AMPD3: variants seen among roughly 807,000 people sequenced by gnomAD.
The protein encoded by AMPD3 is AMP deaminase 3.
A neutral mutation model predicts 82.3 loss-of-function variants in AMPD3; 57 were observed. The observed-to-expected ratio is 0.69, with a 90% CI of 0.56 to 0.86. The LOEUF is 0.86. Among genes scored for constraint, AMPD3 ranks in the 40% least tolerant of loss-of-function variants. AMPD3 has a pLI of 0.00. For synonymous variants in AMPD3, 381 were observed against 394.7 expected, an observed-to-expected ratio of 0.97 and a Z score of 0.41; for missense variants, 870 against 1,003.8, an observed-to-expected ratio of 0.87 and a Z score of 1.80.
chr11:10,500,646 C>T, intron 11 of AMPD3: 18 of 985,502 alleles, frequency 1.8e-5, no homozygotes, highest in Non-Finnish European at 2.2e-5. Flanking sequence ...CTTACTGCCA[C>T]ACCAACAATG....
chr11:10,482,146 CCACCGCTTCCCGCGGAT>C lies in AMPD3; in HGVS notation c.514_530del (p.Arg172IlefsTer36), dbSNP rs1848927636. ...GGGAGAAGTATGCGCGGCTCGCCTA[CCACCGCTTCCCGCGGAT>C]CACATCCCAGTACCTGGGTCATCCG... is the stretch of plus-strand genomic sequence containing the variant. On this transcript the variant is annotated frameshift_variant, in exon 4 of 15. Coordinates refer to ENST00000396553, the MANE Select transcript of AMPD3 (RefSeq NM_001025389.2). LOFTEE classifies it high-confidence loss of function. The C allele has an allele frequency of 3.7e-6, 6 of 1,613,986 alleles. No individual in the cohort carries two copies. Among genetic ancestry groups the C allele is most frequent in the Non-Finnish European group, 5.1e-6 (6 of 1,180,054 alleles).
chr11:10,493,425 C>A lies in AMPD3; in HGVS notation c.1016C>A (p.Thr339Lys). The change falls in exon 7 of 15, where the codon ACG (threonine) becomes AAG (lysine). Residue 339 changes from threonine to lysine, a missense_variant. Physicochemically the swap from Thr to Lys is moderately conservative, Grantham distance 78. Coordinates refer to ENST00000396553, the MANE Select transcript of AMPD3 (RefSeq NM_001025389.2). ...LLRFIKHTYQ[T>K]EPDRTVAEKR... ...CGCTTCATCAAGCACACATACCAGA[C>A]GGAGCCTGACAGGACTGTGGCAGAG... is the stretch of plus-strand genomic sequence containing the variant. 1 of 1,614,196 alleles carries A rather than the reference C, an allele frequency of 6.2e-7. No individual in the cohort carries two copies. The highest frequency in any genetic ancestry group is 8.5e-7 in the Non-Finnish European group (1 of 1,180,040).
chr11:10,496,975 G>A (rs747784914), intron 10 of AMPD3, 37 bp downstream of exon 10: 21 of 1,609,620 alleles, frequency 1.3e-5, no homozygotes, highest in Non-Finnish European at 1.7e-5. Context: ...GGCTCATAGC[G>A]GCAGAGGCAG....
chr11:10,482,913 C>T (rs1848956168), intron 4 of AMPD3, among the ~76,000 whole-genome samples: 1 of 152,112 alleles, frequency 6.6e-6, no homozygotes, highest in South Asian at 2.1e-4. Context: ...GAACAGAGGG[C>T]ATGTTCCCTG....
At chr11:10,498,120 T>C (rs550887550) in intron 10 of AMPD3, among the ~76,000 whole-genome samples, 15 of 152,310 alleles carry the variant, frequency 9.8e-5, no homozygotes, top group African/African-American at 3.4e-4. Context: ...CTATGTTGCC[T>C]CCCAAGTGAG....
chr11:10,471,608 A>G (rs1232281324), intron 2 of AMPD3, among the ~76,000 whole-genome samples: 1 of 151,934 alleles, frequency 6.6e-6, no homozygotes, highest in East Asian at 1.9e-4. Flanking sequence ...AATTTACAAG[A>G]AAACAACCCC....
rs2133810072 is a variant in AMPD3, at chr11:10,456,889, G to A, written c.-6+1441G>A. On this transcript the variant is annotated intron_variant, in intron 1 of 14. Coordinates refer to ENST00000396553, the MANE Select transcript of AMPD3 (RefSeq NM_001025389.2). This position sits in a 1 kb window ranked among gnomAD's most constrained non-coding sequence, Gnocchi z 4.3. The stretch of plus-strand genomic sequence containing the variant: ...GAAGGCAGCAGATGTGGGGGCAGCT[G>A]CTAAGGCCTGCAGCACCCCAAGTGG... Among the ~76,000 whole-genome samples, 1 of 152,250 alleles carries A rather than the reference G, an allele frequency of 6.6e-6. No individual in the cohort carries two copies. Among genetic ancestry groups the A allele is most frequent in the East Asian group, 1.9e-4 (1 of 5,186 alleles).
intron 7 of AMPD3, 198 bp from the exon 8 acceptor site, chr11:10,494,701 T>C (rs1849339216): frequency 2.0e-6 from 2 of 985,366 alleles, no homozygotes; most frequent in African/African-American, 3.5e-5. Context: ...CAGGGGGCCT[T>C]GCCAAAGGAT....
chr11:10,482,173 G>T lies in AMPD3; in HGVS notation c.537G>T (p.Gln179His). 6.2e-7 allele frequency: 1 copy of T among 1,613,846 alleles called. No homozygotes were observed. The highest frequency in any genetic ancestry group is 8.5e-7 in the Non-Finnish European group (1 of 1,179,994). The change falls in exon 4 of 15, where the codon CAG (glutamine) becomes CAT (histidine). Residue 179 changes from glutamine (Q) to histidine (H), a missense_variant. Coordinates refer to ENST00000396553, the MANE Select transcript of AMPD3 (RefSeq NM_001025389.2). ...ACCGCTTCCCGCGGATCACATCCCAGTACCTGGGTCATCCGCGGGCGGATA... is the reference window on the plus strand; with the variant it reads ...ACCGCTTCCCGCGGATCACATCCCATTACCTGGGTCATCCGCGGGCGGATA... Reference protein sequence around the residue: ...AYHRFPRITSQYLGHPRADTA... With the variant: ...AYHRFPRITSHYLGHPRADTA...
chr11:10,478,295 C>A (rs1304090961), intron 2 of AMPD3: 1 of 985,230 alleles, frequency 1.0e-6, no homozygotes, highest in African/African-American at 1.7e-5. Flanking sequence ...TGCAAACAGC[C>A]CTGAGCAGTG....
Position 10,506,640 on chromosome 11 carries a change from A to G in AMPD3, c.*756A>G, listed in dbSNP as rs2133954688. On this transcript the variant is annotated 3_prime_UTR_variant, in exon 15 of 15. Coordinates refer to ENST00000396553, the MANE Select transcript of AMPD3 (RefSeq NM_001025389.2). The surrounding 1 kb of genome is among the most constrained non-coding windows in gnomAD (Gnocchi z 4.1). ...CAAAGTGACTGCGTTCATCAGTTTT[A>G]CACTGGGGCTGCTACATAATATTTT... The G allele has an allele frequency of 6.5e-6, 1 of 152,962 alleles. No homozygotes were observed. The highest frequency in any genetic ancestry group is 1.9e-4 in the East Asian group (1 of 5,190). The allele number at this position is 152,962 out of a possible 1,614,324, so 9.5% of individuals were successfully genotyped here.
At chr11:10,454,760 C>A (rs1240847736), upstream of AMPD3, among the ~76,000 whole-genome samples, 1 of 152,220 alleles carries the variant, frequency 6.6e-6, no homozygotes. Flanking sequence ...CTCCCCTTTC[C>A]CCAAAACACT....
At position 10,456,962 on chromosome 11, in the gene AMPD3, T is replaced by C. The variant is rs1430489248; in HGVS notation, c.-6+1514T>C. ...ATGGAATTAATTATTTTGTTGTGGTTGCTGTTGTTTCTTGCTTTTTTTTTT... is the reference window on the plus strand; with the variant it reads ...ATGGAATTAATTATTTTGTTGTGGTCGCTGTTGTTTCTTGCTTTTTTTTTT... On this transcript the variant is annotated intron_variant, in intron 1 of 14. Coordinates refer to ENST00000396553, the MANE Select transcript of AMPD3 (RefSeq NM_001025389.2). The surrounding 1 kb of genome is among the most constrained non-coding windows in gnomAD (Gnocchi z 4.3). 2.0e-5 allele frequency among the ~76,000 whole-genome samples: 3 copies of C among 150,474 alleles called. No individual in the cohort carries two copies. Among genetic ancestry groups the C allele is most frequent in the Non-Finnish European group, 4.4e-5 (3 of 67,792 alleles).
chr11:10,493,372 C>T lies in AMPD3; in HGVS notation c.963C>T (p.Ala321=), dbSNP rs143798011. 5.4e-5 allele frequency: 87 copies of T among 1,614,052 alleles called. No individual in the cohort carries two copies. The Admixed American group carries it at 7.0e-4, about 13-fold the overall frequency. ...VRKVDTHIHA[A]ACMNQKHLLR... is the part of the protein sequence containing the mutation. ...AGGTGGACACACACATCCATGCGGC[C>T]GCCTGCATGAACCAAAAGCATCTGC... is the stretch of plus-strand genomic sequence containing the variant. Residue 321 remains alanine, a synonymous_variant, in exon 7 of 15, where the codon GCC becomes GCT. Coordinates refer to ENST00000396553, the MANE Select transcript of AMPD3 (RefSeq NM_001025389.2).
At chr11:10,461,144 T>G in intron 1 of AMPD3, 6 of 1,201,488 alleles carry the variant, frequency 5.0e-6, no homozygotes, top group Non-Finnish European at 6.3e-6. Flanking sequence ...ATCCTCATAG[T>G]CTGGAGGAGG....
Position 10,456,493 on chromosome 11 carries a change from C to T in AMPD3, c.-6+1045C>T. The T allele has an allele frequency of 1.2e-6, 2 of 1,613,378 alleles. No homozygotes were observed. Among genetic ancestry groups the T allele is most frequent in the South Asian group, 2.2e-5 (2 of 91,028 alleles). Reference sequence around the variant, plus strand: ...AGGGGATTTCAGTGGCACTGGGCTTCCTTTCTGGAGGGACTGTGGCACCAT... The same window carrying T: ...AGGGGATTTCAGTGGCACTGGGCTTTCTTTCTGGAGGGACTGTGGCACCAT... On this transcript the variant is annotated intron_variant, in intron 1 of 14. Coordinates refer to ENST00000396553, the MANE Select transcript of AMPD3 (RefSeq NM_001025389.2). This position sits in a 1 kb window ranked among gnomAD's most constrained non-coding sequence, Gnocchi z 4.3.
Position 10,505,795 on chromosome 11 carries a change from A to G in AMPD3, c.2215A>G (p.Met739Val). The change falls in exon 15 of 15, where the codon ATG becomes GTG. Residue 739 changes from methionine to valine, a missense_variant. Met to Val is a conservative substitution (Grantham distance 21). Coordinates refer to ENST00000396553, the MANE Select transcript of AMPD3 (RefSeq NM_001025389.2). ...AAAGACAAATGTGGCTCAGATCCGG[A>G]TGGCATTCCGATATGAGACCTTATG... ...IRKTNVAQIR[M>V]AFRYETLCNE... The G allele has an allele frequency of 6.2e-7, 1 of 1,614,204 alleles. No individual in the cohort carries two copies. Among genetic ancestry groups the G allele is most frequent in the Non-Finnish European group, 8.5e-7 (1 of 1,180,050 alleles).
intron 3 of AMPD3, among the ~76,000 whole-genome samples, chr11:10,479,002 G>A (rs867940846): frequency 2.0e-5 from 3 of 152,232 alleles, no homozygotes; most frequent in Middle Eastern, 3.4e-3. Context: ...TGTTCTCTAA[G>A]TCCAGAAAGC....
intron 14 of AMPD3, chr11:10,505,294 GTTAAAGGC>G: frequency 1.0e-6 from 1 of 985,420 alleles, no homozygotes; most frequent in Non-Finnish European, 1.2e-6. Flanking sequence ...ATGCAGCAGA[GTTAAAGGC>G]TTAAGATTCT....
Sources: gnomAD v4.1 joint callset for allele counts (sites outside exome capture counted in the v4.1 genomes callset) on GRCh38, gnomAD v4.1.1 for gene constraint, Gnocchi (gnomAD v3.1) non-coding constraint, MANE v1.5 for transcripts, NCBI Gene and HGNC (gene_info 2026-07-23, HGNC 2026-07-21) for gene names.